SNX30: variants seen among roughly 807,000 people sequenced by gnomAD.
SNX30 encodes the protein sorting nexin-30.
In SNX30, 24 loss-of-function variants were observed where a neutral mutation model predicts 46.4. The ratio of observed to expected loss-of-function variants is 0.52; its 90% CI spans 0.37 to 0.73. The LOEUF is 0.73. Among genes scored for constraint, SNX30 ranks in the 30% least tolerant of loss-of-function variants. The pLI is 0.00. For synonymous variants in SNX30, 189 were observed against 211.5 expected, an observed-to-expected ratio of 0.89 and a Z score of 0.92; for missense variants, 533 against 555.7, an observed-to-expected ratio of 0.96 and a Z score of 0.41.
At chr9:112,778,366 G>A (rs955472720) in intron 1 of SNX30, among the ~76,000 whole-genome samples, 7 of 146,050 alleles carry the variant, frequency 4.8e-5, no homozygotes, top group African/African-American at 1.5e-4. Context: ...TACGCCTCCC[G>A]GGTTCAAGTG....
chr9:112,807,981 G>A (rs1189273033), intron 2 of SNX30, among the ~76,000 whole-genome samples: 2 of 152,178 alleles, frequency 1.3e-5, no homozygotes, highest in Non-Finnish European at 2.9e-5. Flanking sequence ...GCAGAACTGA[G>A]TTTTACTTTT....
intron 1 of SNX30, among the ~76,000 whole-genome samples, chr9:112,797,027 A>C (rs574172250): frequency 1.3e-5 from 2 of 152,298 alleles, no homozygotes; most frequent in Non-Finnish European, 2.9e-5. Flanking sequence ...CCATGGTGTC[A>C]TGTCACTTTC....
intron 4 of SNX30, 26 bp from the exon 5 acceptor site, chr9:112,836,188 T>G: frequency 8.9e-6 from 14 of 1,570,710 alleles, no homozygotes; most frequent in African/African-American, 1.3e-5. Flanking sequence ...GTGAGTGCTT[T>G]GAGCTTATTC....
At chr9:112,860,168 G>T (rs1292662043) in intron 7 of SNX30, among the ~76,000 whole-genome samples, 1 of 151,808 alleles carries the variant, frequency 6.6e-6, no homozygotes, top group East Asian at 2.0e-4. Flanking sequence ...GGGTGGTCTC[G>T]ATCTCTTGAC....
At chr9:112,824,857 T>C (rs1296741459) in intron 3 of SNX30, among the ~76,000 whole-genome samples, 2 of 152,200 alleles carry the variant, frequency 1.3e-5, no homozygotes, top group African/African-American at 4.8e-5. Flanking sequence ...AGTGTCCAAT[T>C]CAGTGACTTT....
At chr9:112,847,654 G>T (rs1218149478) in intron 6 of SNX30, among the ~76,000 whole-genome samples, 1 of 152,092 alleles carries the variant, frequency 6.6e-6, no homozygotes, top group Non-Finnish European at 1.5e-5. Context: ...ATTTGTTAAA[G>T]AATCATCTGT....
intron 3 of SNX30, among the ~76,000 whole-genome samples, chr9:112,828,028 A>G (rs1840604221): frequency 6.6e-6 from 1 of 152,236 alleles, no homozygotes; most frequent in African/African-American, 2.4e-5. Flanking sequence ...GTTCACAGGC[A>G]GGAGAGTAGG....
In SNX30 at chr9:112,868,392, C is replaced by A. The variant is rs563670772; in HGVS notation, c.1255-392C>A. On this transcript the variant is annotated intron_variant, in intron 8 of 8. Coordinates refer to ENST00000374232, the MANE Select transcript of SNX30 (RefSeq NM_001012994.2). ...TATGATTTCCATCCTGCATAAGCGC[C>A]ACCCACACCTGGAGCAGTGTCTCCA... Among the ~76,000 whole-genome samples, 159 of 152,308 alleles carry A rather than the reference C, an allele frequency of 1.0e-3. 1 individual carries two copies. Among genetic ancestry groups the A allele is most frequent in the African/African-American group, 3.3e-3 (139 of 41,558 alleles).
rs528317960 is a variant in SNX30 at position 112,770,802 on chromosome 9, C to T, written c.156+19645C>T. ...CACGAGGTCAAGAGATAGAGACCATCCTGGCCAACATGGTGAAACCCCATC... is the reference window on the plus strand; with the variant it reads ...CACGAGGTCAAGAGATAGAGACCATTCTGGCCAACATGGTGAAACCCCATC... On this transcript the variant is annotated intron_variant, in intron 1 of 8. Transcript: ENST00000374232. Among the ~76,000 whole-genome samples, 213 of 152,218 alleles carry T rather than the reference C, an allele frequency of 1.4e-3. 2 individuals carry two copies. Among genetic ancestry groups the T allele is most frequent in the African/African-American group, 4.8e-3 (199 of 41,570 alleles).
intron 1 of SNX30, among the ~76,000 whole-genome samples, chr9:112,791,017 T>A (rs1840010548): frequency 6.6e-6 from 1 of 152,236 alleles, no homozygotes; most frequent in African/African-American, 2.4e-5. Flanking sequence ...TCTTCATTTT[T>A]AAAATATGTC....
In SNX30 at chr9:112,830,734, G is replaced by A. The variant is rs769362377; in HGVS notation, c.469G>A (p.Glu157Lys). 1.3e-5 allele frequency: 21 copies of A among 1,609,156 alleles called. No individual in the cohort carries two copies. Among genetic ancestry groups the A allele is most frequent in the Non-Finnish European group, 1.3e-5 (15 of 1,178,854 alleles). Residue 157 changes from glutamate (E) to lysine (K), a missense_variant, in exon 4 of 9, where the codon GAG (glutamate) becomes AAG (lysine). Around this residue, in one of 3 missense-constraint regions of SNX30, gnomAD observed 81 missense variants for 124.4 expected, o/e 0.65. Coordinates refer to ENST00000374232, the MANE Select transcript of SNX30 (RefSeq NM_001012994.2). The part of the protein sequence containing the change: ...QPTHLIPPLP[E>K]KFVVKGVVDR... ...CTTCATGTCTTCATAGCCTCTTCCC[G>A]AGAAGTTTGTGGTAAAAGGTGTTGT... is the stretch of plus-strand genomic sequence containing the variant.
In SNX30 at chr9:112,777,600, A is replaced by ATTTT. The variant is rs55784760; in HGVS notation, c.156+26468_156+26471dup. ...TACCACCACACCCAGCTAGTTTTTA[A>ATTTT]TTTTTTTTTTTTTTTTTTTTTTTTT... On this transcript the variant is annotated intron_variant, in intron 1 of 8. Coordinates refer to ENST00000374232, the MANE Select transcript of SNX30 (RefSeq NM_001012994.2). Among the ~76,000 whole-genome samples, 161 of 75,592 alleles carry ATTTT rather than the reference A, an allele frequency of 2.1e-3. 9 individuals are homozygous for ATTTT. The highest frequency in any genetic ancestry group is 5.1e-3 in the African/African-American group (92 of 18,142). 49.6% of individuals were successfully genotyped at this position (75,592 alleles called of 152,430 possible). A position where few individuals can be genotyped will look rare whatever the true frequency, so the allele number is the denominator to read the frequency against.
intron 3 of SNX30, among the ~76,000 whole-genome samples, chr9:112,822,553 T>TTTG (rs56335114): frequency 3.3e-5 from 5 of 149,896 alleles, no homozygotes; most frequent in East Asian, 1.9e-4. Flanking sequence ...TTTTTTTTTT[T>TTTG]GTAAGAACCT....
At chr9:112,816,956 A>G (rs550816104) in intron 2 of SNX30, among the ~76,000 whole-genome samples, 75 of 152,292 alleles carry the variant, frequency 4.9e-4, no homozygotes, top group African/African-American at 1.7e-3. Flanking sequence ...TGCTGCAATC[A>G]CATTTCAGAA....
chr9:112,774,026 CAG>C (rs1244160267), intron 1 of SNX30, among the ~76,000 whole-genome samples: 2 of 152,170 alleles, frequency 1.3e-5, no homozygotes, highest in African/African-American at 4.8e-5. Context: ...GGCCAGAAAA[CAG>C]AATTCTCTCC....
intron 2 of SNX30, among the ~76,000 whole-genome samples, chr9:112,816,531 G>A (rs1179668515): frequency 2.0e-5 from 3 of 152,172 alleles, no homozygotes; most frequent in Admixed American, 6.5e-5. Context: ...ACTTGAAGAG[G>A]GGAAACAATG....
intron 1 of SNX30, among the ~76,000 whole-genome samples, chr9:112,804,401 G>C (rs986413980): frequency 6.6e-6 from 1 of 152,166 alleles, no homozygotes; most frequent in African/African-American, 2.4e-5. Flanking sequence ...GTGACCTCAG[G>C]TGAGCCACCT....
chr9:112,753,418 C>G (rs769180598), intron 1 of SNX30, among the ~76,000 whole-genome samples: 2 of 152,176 alleles, frequency 1.3e-5, no homozygotes, highest in African/African-American at 4.8e-5. Flanking sequence ...GAGACTTACT[C>G]TGTCACCCAG....
At chr9:112,809,360 G>A (rs1033420887) in intron 2 of SNX30, among the ~76,000 whole-genome samples, 14 of 152,022 alleles carry the variant, frequency 9.2e-5, no homozygotes, top group Admixed American at 3.3e-4. Flanking sequence ...GATTACAGGC[G>A]TGAGCCACTG....
Sources: gnomAD v4.1 joint callset for allele counts (sites outside exome capture counted in the v4.1 genomes callset) on GRCh38, gnomAD v4.1.1 for gene constraint, gnomAD v4.1.1 regional missense constraint, MANE v1.5 for transcripts, NCBI Gene and HGNC (gene_info 2026-07-23, HGNC 2026-07-21) for gene names.